Variants in TENM4 observed in about 807,000 individuals in gnomAD.
The protein encoded by TENM4 is teneurin-4.
TENM4 carries 82 observed loss-of-function variants against 243.3 expected under a neutral mutation model. The ratio of observed to expected loss-of-function variants is 0.34; its 90% CI spans 0.28 to 0.40. The LOEUF is 0.40. Ranked by LOEUF, TENM4 falls within the 10% of genes least tolerant of loss-of-function variation. The pLI is 1.00. For synonymous variants in TENM4, 1,412 were observed against 1,456.3 expected, an observed-to-expected ratio of 0.97 and a Z score of 0.69; for missense variants, 3,138 against 3,673.3, an observed-to-expected ratio of 0.85 and a Z score of 3.77.
chr11:79,275,226 G>GGGGT lies in TENM4; in HGVS notation c.-265+22261_-265+22262insACCC, dbSNP rs777388975. On this transcript the variant is annotated intron_variant, in intron 2 of 33. Coordinates refer to ENST00000278550, the MANE Select transcript of TENM4 (RefSeq NM_001098816.3). ...GAAGGTGCTGGGTATGTGTGAGCGGGGTGTGTGTGTGTGTGTCTGTGTGTG... is the reference window on the plus strand; with the variant it reads ...GAAGGTGCTGGGTATGTGTGAGCGGGGGGTGTGTGTGTGTGTGTGTCTGTGTGTG... 2.8e-3 allele frequency among the ~76,000 whole-genome samples: 403 copies of GGGGT among 143,508 alleles called. 3 individuals are homozygous for GGGGT. The highest frequency in any genetic ancestry group is 0.01 in the African/African-American group (391 of 37,492). 94.1% of individuals were successfully genotyped at this position (143,508 alleles called of 152,430 possible).
intron 6 of TENM4, among the ~76,000 whole-genome samples, chr11:78,989,663 A>T (rs1284407191): frequency 1.3e-5 from 2 of 152,184 alleles, no homozygotes; most frequent in Non-Finnish European, 2.9e-5. Context: ...GGGTTTTTCC[A>T]TTCCTTTCGT....
intron 26 of TENM4, among the ~76,000 whole-genome samples, chr11:78,709,990 G>A (rs963650395): frequency 6.6e-6 from 1 of 152,200 alleles, no homozygotes; most frequent in African/African-American, 2.4e-5. Context: ...AAAGGCACAG[G>A]AATGAATCAG....
At chr11:78,948,383 T>C (rs1002287040) in intron 6 of TENM4, among the ~76,000 whole-genome samples, 5 of 151,632 alleles carry the variant, frequency 3.3e-5, no homozygotes, top group Non-Finnish European at 5.9e-5. Flanking sequence ...TCTTTTTTTT[T>C]TTTTTTTTGA....
intron 7 of TENM4, among the ~76,000 whole-genome samples, chr11:78,891,764 A>C (rs1435913432): frequency 6.6e-6 from 1 of 152,206 alleles, no homozygotes; most frequent in Non-Finnish European, 1.5e-5. Context: ...CAAAGCAGGA[A>C]TTAGAGCTCA....
intron 19 of TENM4, among the ~76,000 whole-genome samples, chr11:78,749,913 G>A (rs900026200): frequency 6.6e-6 from 1 of 152,108 alleles, no homozygotes; most frequent in African/African-American, 2.4e-5. Context: ...AGTTCCCTAT[G>A]TTCCTCTTTC....
chr11:78,978,630 C>T (rs780918235), intron 6 of TENM4, among the ~76,000 whole-genome samples: 9 of 151,854 alleles, frequency 5.9e-5, no homozygotes, highest in South Asian at 2.1e-4. Context: ...GACACCAGGA[C>T]GGAACGAGAA....
chr11:78,973,412 T>G (rs1186809839), intron 6 of TENM4, among the ~76,000 whole-genome samples: 1 of 152,254 alleles, frequency 6.6e-6, no homozygotes, highest in African/African-American at 2.4e-5. Flanking sequence ...TGATCTGCAT[T>G]TCCCCTAATG....
At chr11:79,405,854 A>AAC in intron 1 of TENM4, among the ~76,000 whole-genome samples, 1 of 151,290 alleles carries the variant, frequency 6.6e-6, no homozygotes, top group East Asian at 1.9e-4. Context: ...TTTCAAAAAA[A>AAC]AAAAAAAAAA....
intron 1 of TENM4, among the ~76,000 whole-genome samples, chr11:79,353,036 T>G (rs897947964): frequency 6.6e-6 from 1 of 152,078 alleles, no homozygotes; most frequent in African/African-American, 2.4e-5. Flanking sequence ...AGATCACTTC[T>G]TAAATGTTGG....
At position 78,856,183 on chromosome 11, in the gene TENM4, C is replaced by A; in HGVS notation, c.1256-5G>T. ...GAAAGAAACTACTGGGCTTTCCTAC[C>A]AAGATAGAGGGAAGGGAAGACAAAG... On this transcript the variant is annotated splice_region_variant and splice_polypyrimidine_tract_variant and intron_variant, in intron 10 of 33. Transcript: ENST00000278550. 1 of 1,550,600 alleles carries A rather than the reference C, an allele frequency of 6.4e-7. No homozygotes were observed. Among genetic ancestry groups the A allele is most frequent in the Non-Finnish European group, 8.7e-7 (1 of 1,146,252 alleles).
intron 1 of TENM4, among the ~76,000 whole-genome samples, chr11:79,390,505 A>G (rs529653): frequency 0.51 from 77,223 of 152,006 alleles, 19,719 homozygotes; most frequent in East Asian, 0.55. Context: ...CACCCACTAT[A>G]ACAGTCAGGG....
intron 6 of TENM4, among the ~76,000 whole-genome samples, chr11:78,910,805 T>A (rs1317322597): frequency 6.6e-6 from 1 of 152,162 alleles, no homozygotes; most frequent in Admixed American, 6.5e-5. Context: ...CCGGACAAAA[T>A]GGTTTCGGTT....
At chr11:78,874,718 G>A (rs181938604) in intron 9 of TENM4, among the ~76,000 whole-genome samples, 87 of 152,286 alleles carry the variant, frequency 5.7e-4, no homozygotes, top group Non-Finnish European at 1.1e-3. Context: ...TATATACACA[G>A]TGCCACACAC....
At chr11:78,670,840 C>A (rs1858306150) in intron 31 of TENM4, among the ~76,000 whole-genome samples, 1 of 152,202 alleles carries the variant, frequency 6.6e-6, no homozygotes, top group Non-Finnish European at 1.5e-5. Flanking sequence ...GGTACTCAGG[C>A]CATTTGCTGT....
At chr11:79,240,044 G>T (rs1864560402) in intron 2 of TENM4, among the ~76,000 whole-genome samples, 1 of 152,166 alleles carries the variant, frequency 6.6e-6, no homozygotes, top group Non-Finnish European at 1.5e-5. Context: ...TGGTGGTAAA[G>T]TGCTCTAGAG....
chr11:78,877,945 A>C (rs527554209), intron 9 of TENM4, among the ~76,000 whole-genome samples: 2 of 152,256 alleles, frequency 1.3e-5, no homozygotes, highest in South Asian at 4.2e-4. Context: ...GGAAGAGTAC[A>C]CTTCTTGCTT....
intron 6 of TENM4, among the ~76,000 whole-genome samples, chr11:78,934,811 G>C (rs1016822805): frequency 3.3e-5 from 5 of 152,132 alleles, no homozygotes; most frequent in Non-Finnish European, 7.4e-5. Flanking sequence ...TTGTGTTAAA[G>C]CTGTCTTTAT....
At chr11:78,901,888 C>G (rs1003376438) in intron 7 of TENM4, among the ~76,000 whole-genome samples, 1 of 152,290 alleles carries the variant, frequency 6.6e-6, no homozygotes, top group African/African-American at 2.4e-5. Flanking sequence ...ATTTTGCTTT[C>G]GGAAAAACAA....
chr11:78,849,089 G>A lies in TENM4; in HGVS notation c.1681+5015C>T. ...GGCACCTCTGTTATGCTCCAGCCTG[G>A]CTCACATTGCCACAATGTCAGGCTG... On this transcript the variant is annotated intron_variant, in intron 12 of 33. Coordinates refer to ENST00000278550, the MANE Select transcript of TENM4 (RefSeq NM_001098816.3). Among the ~76,000 whole-genome samples, 2 of 152,096 alleles carry A rather than the reference G, an allele frequency of 1.3e-5. 1 individual carries two copies. The highest frequency in any genetic ancestry group is 2.9e-5 in the Non-Finnish European group (2 of 68,026).
Sources: allele counts gnomAD v4.1 joint callset (sites outside exome capture counted in the v4.1 genomes callset), GRCh38; gene constraint gnomAD v4.1.1; transcripts MANE v1.5; gene names NCBI Gene and HGNC (gene_info 2026-07-23, HGNC 2026-07-21).